The following NSF variants were observed in gnomAD, a reference collection of about 807,000 sequenced individuals.
NSF encodes vesicle-fusing ATPase.
Under a neutral mutation model 50.3 loss-of-function variants are expected in NSF, and 14 were observed. The observed-to-expected ratio is 0.28, with a 90% CI of 0.18 to 0.44. The LOEUF is 0.44. Ranked by LOEUF, NSF falls within the 20% of genes least tolerant of loss-of-function variation. NSF has a pLI of 1.00. For missense variants in NSF, 218 were observed against 504.3 expected, an observed-to-expected ratio of 0.43 and a Z score of 5.44; for synonymous variants, 109 against 175.7, an observed-to-expected ratio of 0.62 and a Z score of 3.00.
intron 12 of NSF, among the ~76,000 whole-genome samples, chr17:46,703,680 C>CAAAAAAA (rs149212597): frequency 0.018 from 577 of 32,860 alleles, no homozygotes; most frequent in Non-Finnish European, 0.021. Context: ...GACTCCGTCT[C>CAAAAAAA]AAAAAAAAAA....
intron 9 of NSF, among the ~76,000 whole-genome samples, chr17:46,679,366 G>GA (rs2058431409): frequency 7.3e-6 from 1 of 137,168 alleles, no homozygotes; most frequent in South Asian, 2.5e-4. Context: ...CATTCACTGA[G>GA]AAAAACAATA....
At chr17:46,738,908 C>T (rs953091193) in intron 17 of NSF, among the ~76,000 whole-genome samples, 1 of 152,218 alleles carries the variant, frequency 6.6e-6, no homozygotes, top group Non-Finnish European at 1.5e-5. Flanking sequence ...TCTAGACCAG[C>T]CTGGGCAATA....
intron 13 of NSF, among the ~76,000 whole-genome samples, chr17:46,708,831 T>A (rs1352562295): frequency 7.4e-6 from 1 of 134,932 alleles, no homozygotes; most frequent in Non-Finnish European, 1.6e-5. Context: ...TATTTTTTTT[T>A]TTTTTTTTTT....
At chr17:46,721,755 C>T (rs1485359049) in intron 15 of NSF, 8 of 1,604,170 alleles carry the variant, frequency 5.0e-6, no homozygotes, top group South Asian at 3.3e-5. Flanking sequence ...CCCACAATTT[C>T]GCTTGGGAAG....
At chr17:46,711,241 G>A in intron 14 of NSF, 122 bp downstream of exon 14, 2 of 922,286 alleles carry the variant, frequency 2.2e-6, no homozygotes, top group Non-Finnish European at 3.0e-6. Context: ...TTCTTGATCT[G>A]AAAATAGTAA....
intron 9 of NSF, among the ~76,000 whole-genome samples, chr17:46,684,544 C>T (rs1389348794): frequency 6.6e-6 from 1 of 151,914 alleles, no homozygotes; most frequent in Non-Finnish European, 1.5e-5. Context: ...GTACTGTTAC[C>T]AAAACAGATA....
intron 1 of NSF, among the ~76,000 whole-genome samples, chr17:46,601,961 A>G (rs1426454566): frequency 1.4e-5 from 2 of 145,504 alleles, no homozygotes; most frequent in Non-Finnish European, 3.0e-5. Flanking sequence ...AGGCGGGTGG[A>G]TCACTTGAAG....
At chr17:46,722,390 C>T (rs571577426) in intron 15 of NSF, among the ~76,000 whole-genome samples, 5 of 152,290 alleles carry the variant, frequency 3.3e-5, no homozygotes, top group South Asian at 2.1e-4. Context: ...CTATAACTCA[C>T]GGTGAGTTTG....
At chr17:46,695,340 T>C (rs917765838) in intron 12 of NSF, among the ~76,000 whole-genome samples, 1 of 115,570 alleles carries the variant, frequency 8.7e-6, no homozygotes, top group African/African-American at 3.6e-5. Context: ...ATATATTGAA[T>C]AGTTGATGTG....
chr17:46,714,065 T>G, intron 15 of NSF, 79 bp downstream of exon 15: 1 of 1,413,648 alleles, frequency 7.1e-7, no homozygotes, highest in Non-Finnish European at 9.4e-7. Flanking sequence ...CCTTTGTACA[T>G]GTATACATAT....
At chr17:46,608,096 G>A (rs1325097768) in intron 1 of NSF, among the ~76,000 whole-genome samples, 2 of 123,888 alleles carry the variant, frequency 1.6e-5, no homozygotes, top group Non-Finnish European at 3.3e-5. Context: ...GGATCACGAG[G>A]TCAGGAGATC....
intron 16 of NSF, 92 bp downstream of exon 16, chr17:46,726,707 C>G (rs1433089193): frequency 9.0e-7 from 1 of 1,115,078 alleles, no homozygotes; most frequent in Middle Eastern, 2.0e-4. Flanking sequence ...TATTTATAAA[C>G]TGTAAAGCAA....
At chr17:46,708,341 G>A (rs1408209849) in intron 13 of NSF, among the ~76,000 whole-genome samples, 1 of 152,034 alleles carries the variant, frequency 6.6e-6, no homozygotes, top group Non-Finnish European at 1.5e-5. Flanking sequence ...TTCTCCACAT[G>A]CTCACCAACA....
chr17:46,620,893 C>CA (rs921986294), intron 1 of NSF, among the ~76,000 whole-genome samples: 1 of 44,728 alleles, frequency 2.2e-5, no homozygotes, highest in African/African-American at 1.1e-4. Context: ...GATTTAAAAA[C>CA]AAAAAAAAGA....
At chr17:46,625,820 A>G (rs2058092894) in intron 2 of NSF, among the ~76,000 whole-genome samples, 1 of 109,724 alleles carries the variant, frequency 9.1e-6, no homozygotes, top group Non-Finnish European at 1.7e-5. Flanking sequence ...GAAGCAGGAG[A>G]ATCTCTTGAG....
chr17:46,630,247 GC>G, intron 3 of NSF, among the ~76,000 whole-genome samples, 163 bp from the exon 4 acceptor site: 1 of 36,992 alleles, frequency 2.7e-5, no homozygotes, highest in East Asian at 7.3e-4. Flanking sequence ...GGTGTTGGGG[GC>G]TAAGACTTCA....
intron 15 of NSF, among the ~76,000 whole-genome samples, chr17:46,724,098 C>T (rs1008104401): frequency 6.6e-6 from 1 of 152,182 alleles, no homozygotes; most frequent in Non-Finnish European, 1.5e-5. Flanking sequence ...GTTCACATCT[C>T]TGTGTCTCCT....
chr17:46,754,623 A>G lies in NSF; in HGVS notation c.2158-691A>G, dbSNP rs149930551. Among the ~76,000 whole-genome samples the G allele has an allele frequency of 3.3e-5, 5 of 152,358 alleles. No homozygotes were observed. The East Asian group carries it at 7.7e-4, about 24-fold the overall frequency. On this transcript the variant is annotated intron_variant, in intron 19 of 20. Transcript: ENST00000398238. ...ATTTAACGAGTTAGTATAAATATGA[A>G]TAGAAAATGAAAACCAGTCGAGATA... is the stretch of plus-strand genomic sequence containing the variant.
Position 46,726,743 on chromosome 17 carries a change from A to G in NSF, c.1828+128A>G, listed in dbSNP as rs1421207631. ...TAGAAATACCTTTCTTTGTCTTACA[A>G]GGAAATATAATGTTCTCTCTTAAAT... On this transcript the variant is annotated intron_variant, in intron 16 of 20. Coordinates refer to ENST00000398238, the MANE Select transcript of NSF (RefSeq NM_006178.4). 1.7e-5 allele frequency: 14 copies of G among 838,814 alleles called. No homozygotes were observed. In the South Asian group the frequency reaches 1.7e-4, roughly 10 times the overall value. 52.0% of individuals were successfully genotyped at this position (838,814 alleles called of 1,614,324 possible).
Sources: allele counts gnomAD v4.1 joint callset (sites outside exome capture counted in the v4.1 genomes callset), GRCh38; gene constraint gnomAD v4.1.1; transcripts MANE v1.5; gene names NCBI Gene and HGNC (gene_info 2026-07-23, HGNC 2026-07-21).